LRP1B: variants seen among roughly 807,000 people sequenced by gnomAD.
LRP1B encodes LDL receptor related protein 1B.
In LRP1B, 217 loss-of-function variants were observed where a neutral mutation model predicts 556.6. That is an observed-to-expected ratio of 0.39 (90% CI 0.35 to 0.44). The LOEUF (loss-of-function observed/expected upper bound fraction) is 0.44. LRP1B is among the 20% of genes least tolerant of loss of function. LRP1B has a pLI of 1.00. For missense variants in LRP1B, 5,053 were observed against 5,620.8 expected (o/e 0.90, Z 3.23); for synonymous variants, 2,047 against 1,865.8 (o/e 1.10, Z -2.50).
At chr2:141,649,983 C>G (rs1164082094) in intron 2 of LRP1B, among the ~76,000 whole-genome samples, 1 of 152,098 alleles carries the variant, frequency 6.6e-6, no homozygotes, top group African/African-American at 2.4e-5. Context: ...AGTTTGAGAC[C>G]AGCCTGGGCA....
At chr2:140,399,909 C>T (rs1185646209) in intron 66 of LRP1B, among the ~76,000 whole-genome samples, 1 of 151,980 alleles carries the variant, frequency 6.6e-6, no homozygotes. Context: ...TTTGGTATTC[C>T]CTTTTGTCAA....
At chr2:141,296,903 T>C (rs937394244) in intron 3 of LRP1B, among the ~76,000 whole-genome samples, 1 of 152,192 alleles carries the variant, frequency 6.6e-6, no homozygotes, top group Non-Finnish European at 1.5e-5. Context: ...GTTCCCATCT[T>C]AATGACTACT....
rs183007966 is a variant in LRP1B, at chr2:141,064,480, T to G, written c.1014-2207A>C. Among the ~76,000 whole-genome samples, 248 of 152,050 alleles carry G rather than the reference T, an allele frequency of 1.6e-3. 1 individual carries two copies. Among genetic ancestry groups the G allele is most frequent in the African/African-American group, 5.7e-3 (236 of 41,540 alleles). ...AAATCATAAAACGGATTGAGATAAC[T>G]CTCTAAGTTTCTGCTAAGCATGAAA... On this transcript the variant is annotated intron_variant, in intron 7 of 90. Transcript: ENST00000389484.
At chr2:141,005,193 T>C (rs1697535421) in intron 15 of LRP1B, 142 bp downstream of exon 15, 1 of 937,476 alleles carries the variant, frequency 1.1e-6, no homozygotes, top group African/African-American at 1.7e-5. Context: ...CAGTTAATAA[T>C]TTATAGTCTA....
chr2:141,427,562 C>T (rs1344925883), intron 3 of LRP1B, among the ~76,000 whole-genome samples: 1 of 152,164 alleles, frequency 6.6e-6, no homozygotes, highest in African/African-American at 2.4e-5. Context: ...TGCAGGGATA[C>T]TCTCCAGCAC....
intron 82 of LRP1B, among the ~76,000 whole-genome samples, chr2:140,320,837 G>A (rs1474831458): frequency 1.3e-5 from 2 of 152,084 alleles, no homozygotes; most frequent in Non-Finnish European, 2.9e-5. Context: ...GAGGTCAGGA[G>A]TTCGAGATCA....
intron 7 of LRP1B, among the ~76,000 whole-genome samples, chr2:141,089,455 A>C (rs946127038): frequency 2.0e-5 from 3 of 152,240 alleles, no homozygotes; most frequent in African/African-American, 7.2e-5. Flanking sequence ...TATTTTGGAT[A>C]GTATCTGAGA....
chr2:141,081,667 T>A lies in LRP1B; in HGVS notation c.1014-19394A>T, dbSNP rs1036461848. Reference sequence around the variant, plus strand: ...GAAAAATAGCTTGGTGAGTATCATTTCCATATTAAATTAGCCAATAAACTC... The same window carrying A: ...GAAAAATAGCTTGGTGAGTATCATTACCATATTAAATTAGCCAATAAACTC... On this transcript the variant is annotated intron_variant, in intron 7 of 90. Coordinates refer to ENST00000389484, the MANE Select transcript of LRP1B (RefSeq NM_018557.3). Among the ~76,000 whole-genome samples the A allele has an allele frequency of 3.3e-5, 5 of 150,444 alleles. No individual in the cohort carries two copies. The East Asian group carries it at 6.0e-4, about 18-fold the overall frequency.
intron 41 of LRP1B, among the ~76,000 whole-genome samples, chr2:140,650,722 G>A (rs907089845): frequency 6.6e-6 from 1 of 152,102 alleles, no homozygotes; most frequent in African/African-American, 2.4e-5. Flanking sequence ...AATCCCTAGT[G>A]AAGTGTCTCC....
At chr2:141,920,984 TC>T (rs1169602197) in intron 1 of LRP1B, among the ~76,000 whole-genome samples, 1 of 152,008 alleles carries the variant, frequency 6.6e-6, no homozygotes, top group Non-Finnish European at 1.5e-5. Context: ...GTTGAAATAC[TC>T]CATGAACATT....
In LRP1B at chr2:140,795,561, A is replaced by T. The variant is rs191684372; in HGVS notation, c.5359+18096T>A. On this transcript the variant is annotated intron_variant, in intron 32 of 90. Transcript: ENST00000389484. ...TAATACTTTTCTTACACCATATCAG[A>T]TAACGCTGATACTGATTATGAAAAG... Among the ~76,000 whole-genome samples, 971 of 152,290 alleles carry T rather than the reference A, an allele frequency of 6.4e-3. 5 individuals are homozygous for T. The highest frequency in any genetic ancestry group is 9.8e-3 in the Non-Finnish European group (666 of 68,002).
intron 84 of LRP1B, among the ~76,000 whole-genome samples, chr2:140,275,510 T>C (rs1295372861): frequency 1.3e-5 from 2 of 151,982 alleles, no homozygotes; most frequent in East Asian, 1.9e-4. Flanking sequence ...AGAGGACTCA[T>C]ACCCCTGCAC....
intron 6 of LRP1B, among the ~76,000 whole-genome samples, chr2:141,222,111 C>T (rs535239967): frequency 6.0e-4 from 91 of 150,860 alleles, no homozygotes; most frequent in Admixed American, 2.2e-3. Flanking sequence ...CATGAAAAAC[C>T]CTTGGGGGCA....
chr2:140,592,689 A>G (rs184501512), intron 43 of LRP1B, among the ~76,000 whole-genome samples: 223 of 152,340 alleles, frequency 1.5e-3, no homozygotes, highest in Non-Finnish European at 2.5e-3. Context: ...ATATAGATGC[A>G]TATAGATGAT....
Position 141,601,221 on chromosome 2 carries a change from T to TCTATCTAC in LRP1B, c.206-120689_206-120688insGTAGATAG, listed in dbSNP as rs1687726181. On this transcript the variant is annotated intron_variant, in intron 2 of 90. Coordinates refer to ENST00000389484, the MANE Select transcript of LRP1B (RefSeq NM_018557.3). ...CTGTCAGTATCTATCTATCTATCTA[T>TCTATCTAC]CTATCTATCTATCTATCTATCTTAA... Among the ~76,000 whole-genome samples, 4 of 151,996 alleles carry TCTATCTAC rather than the reference T, an allele frequency of 2.6e-5. No homozygotes were observed. The South Asian group carries it at 8.3e-4, about 32-fold the overall frequency.
chr2:140,270,645 T>C (rs1478631165), intron 85 of LRP1B, among the ~76,000 whole-genome samples: 1 of 151,984 alleles, frequency 6.6e-6, no homozygotes, highest in East Asian at 1.9e-4. Context: ...TCATTTACAC[T>C]TCTGGGAGAC....
At chr2:140,830,281 T>G (rs1270995370) in intron 31 of LRP1B, among the ~76,000 whole-genome samples, 1 of 152,040 alleles carries the variant, frequency 6.6e-6, no homozygotes, top group Non-Finnish European at 1.5e-5. Context: ...ATTTCCCTGA[T>G]GTTAAAACCA....
chr2:140,851,424 GT>G (rs1245146769), intron 28 of LRP1B, among the ~76,000 whole-genome samples: 1 of 152,006 alleles, frequency 6.6e-6, no homozygotes, highest in East Asian at 1.9e-4. Context: ...AATCAATAAG[GT>G]AACAAATAAC....
intron 1 of LRP1B, among the ~76,000 whole-genome samples, chr2:142,096,529 T>C (rs1250142428): frequency 6.6e-6 from 1 of 151,432 alleles, no homozygotes; most frequent in Non-Finnish European, 1.5e-5. Flanking sequence ...TTTGTTCCAC[T>C]AAATGATCCA....
Sources: allele counts gnomAD v4.1 joint callset (sites outside exome capture counted in the v4.1 genomes callset), GRCh38; gene constraint gnomAD v4.1.1; transcripts MANE v1.5; gene names NCBI Gene and HGNC (gene_info 2026-07-23, HGNC 2026-07-21).